Variants in TECTA observed in about 807,000 individuals in gnomAD.
The protein encoded by TECTA is alpha-tectorin.
In TECTA, 128 loss-of-function variants were observed where a neutral mutation model predicts 216.8. The ratio of observed to expected loss-of-function variants is 0.59; its 90% CI spans 0.51 to 0.68. The LOEUF (loss-of-function observed/expected upper bound fraction) is 0.68, where lower values mean the gene tolerates loss of function less well. TECTA is among the 30% of genes least tolerant of loss of function. The probability of loss-of-function intolerance (pLI) is 0.00; values close to 1 mark genes in which losing one functional copy is unlikely to be tolerated. For synonymous variants in TECTA, 1,089 were observed against 1,117.1 expected (o/e 0.97, Z 0.50); for missense variants, 2,551 against 2,786.2 (o/e 0.92, Z 1.90).
At chr11:121,172,130 C>T (rs929030042) in intron 20 of TECTA, among the ~76,000 whole-genome samples, 1 of 151,890 alleles carries the variant, frequency 6.6e-6, no homozygotes. Flanking sequence ...TTATCAAATG[C>T]TTTTTGTGCA....
rs3216095 is a variant in TECTA at position 121,109,738 on chromosome 11, TA to T, written c.486+249del. 229,451 of 509,038 alleles carry T rather than the reference TA, an allele frequency of 0.45. 53,680 individuals carry two copies. Among genetic ancestry groups the T allele is most frequent in the Non-Finnish European group, 0.5 (140,864 of 282,814 alleles). The allele number at this position is 509,038 out of a possible 1,614,324, so 31.5% of individuals were successfully genotyped here. On this transcript the variant is annotated intron_variant, in intron 4 of 23. Coordinates refer to ENST00000392793, the MANE Select transcript of TECTA (RefSeq NM_005422.4). ...CCTATCACAAATCATCACTAATGCCTAAAAAAAAACCCTCAAAAACTTTCCT... is the reference window on the plus strand; with the variant it reads ...CCTATCACAAATCATCACTAATGCCTAAAAAAAACCCTCAAAAACTTTCCT...
At chr11:121,102,251 A>AGG (rs1361296486) in intron 1 of TECTA, among the ~76,000 whole-genome samples, 1 of 152,192 alleles carries the variant, frequency 6.6e-6, no homozygotes, top group East Asian at 1.9e-4. Flanking sequence ...GAAAATTAGG[A>AGG]AATCCAGGTC....
Position 121,113,249 on chromosome 11 carries a change from G to T in TECTA, c.624+40G>T. ...ACTTCATCCCCCGCGTGTTTCCGTC[G>T]CTGCACTCTCTGCTTCTGTGGCTCA... On this transcript the variant is annotated intron_variant, in intron 5 of 23. Coordinates refer to ENST00000392793, the MANE Select transcript of TECTA (RefSeq NM_005422.4). This position sits in a 1 kb window ranked among gnomAD's most constrained non-coding sequence, Gnocchi z 4.2. The T allele has an allele frequency of 1.2e-6, 2 of 1,613,118 alleles. No individual in the cohort carries two copies. Among genetic ancestry groups the T allele is most frequent in the Non-Finnish European group, 1.7e-6 (2 of 1,179,968 alleles).
Position 121,137,839 on chromosome 11 carries a change from C to T in TECTA, c.3360C>T (p.Thr1120=). The change falls in exon 11 of 24, where the codon ACC becomes ACT. Residue 1120 remains threonine (T), a synonymous_variant. Coordinates refer to ENST00000392793, the MANE Select transcript of TECTA (RefSeq NM_005422.4). ...ATGGCTTCCCCTTTGACTTCCAGACCAGCTGCCCACTCATCCTGTGCACCA... is the reference window on the plus strand; with the variant it reads ...ATGGCTTCCCCTTTGACTTCCAGACTAGCTGCCCACTCATCCTGTGCACCA... The part of the protein sequence containing the change: ...TFDGFPFDFQ[T]SCPLILCTTG... 6.2e-7 allele frequency: 1 copy of T among 1,609,832 alleles called. No individual in the cohort carries two copies.
intron 7 of TECTA, among the ~76,000 whole-genome samples, chr11:121,122,090 G>C (rs1200694184): frequency 6.6e-6 from 1 of 152,068 alleles, no homozygotes; most frequent in African/African-American, 2.4e-5. Context: ...TCTGCAGGAT[G>C]GTTTATTTCT....
rs775222772 is a variant in TECTA, at chr11:121,113,228, C to T, written c.624+19C>T. Reference sequence around the variant, plus strand: ...GGCACAGGTAGGTGGCTCTCCACTTCATCCCCCGCGTGTTTCCGTCGCTGC... The same window carrying T: ...GGCACAGGTAGGTGGCTCTCCACTTTATCCCCCGCGTGTTTCCGTCGCTGC... On this transcript the variant is annotated intron_variant, in intron 5 of 23. Coordinates refer to ENST00000392793, the MANE Select transcript of TECTA (RefSeq NM_005422.4). The surrounding 1 kb of genome is among the most constrained non-coding windows in gnomAD (Gnocchi z 4.2). The T allele has an allele frequency of 1.2e-6, 2 of 1,613,754 alleles. No homozygotes were observed. Among genetic ancestry groups the T allele is most frequent in the Non-Finnish European group, 8.5e-7 (1 of 1,180,036 alleles).
intron 3 of TECTA, among the ~76,000 whole-genome samples, chr11:121,107,436 G>T (rs562648093): frequency 1.3e-5 from 2 of 152,262 alleles, no homozygotes; most frequent in African/African-American, 2.4e-5. Context: ...AAGACAATAG[G>T]CTCTTAATGT....
rs747214311 is a variant in TECTA, at chr11:121,168,691, C to T, written c.5765C>T (p.Thr1922Ile). 6.8e-6 allele frequency: 11 copies of T among 1,614,012 alleles called. No individual in the cohort carries two copies. The South Asian group carries it at 9.9e-5, about 14-fold the overall frequency. ...VKPMLSVINL[T>I]VPTQEGSFIT... is the part of the protein sequence containing the mutation. ...TTCCGTTTTAGTGTAATTAACCTGA[C>T]AGTTCCAACCCAAGAAGGCAGCTTC... The change falls in exon 20 of 24, where the codon ACA becomes ATA. Residue 1922 changes from threonine (T) to isoleucine (I), a missense_variant. By Grantham distance (89) the Thr-to-Ile change is moderately conservative (BLOSUM62 -1). Transcript: ENST00000392793.
At chr11:121,119,602 G>A (rs1946537445) in intron 7 of TECTA, among the ~76,000 whole-genome samples, 1 of 152,190 alleles carries the variant, frequency 6.6e-6, no homozygotes, top group Non-Finnish European at 1.5e-5. Context: ...AGACCACAAG[G>A]GGCTGATTGC....
intron 20 of TECTA, among the ~76,000 whole-genome samples, chr11:121,177,090 A>C (rs1362927316): frequency 6.6e-6 from 1 of 152,074 alleles, no homozygotes; most frequent in Non-Finnish European, 1.5e-5. Flanking sequence ...ATTTTTTTCA[A>C]AGTTTTCAAC....
At position 121,171,413 on chromosome 11, in the gene TECTA, A is replaced by G. The variant is rs181156085; in HGVS notation, c.5999+2488A>G. ...GTATTGCTTGGGCTATTCAGGGTCT[A>G]TTGTGGCTTTATACAAATTTTAGGA... On this transcript the variant is annotated intron_variant, in intron 20 of 23. Transcript: ENST00000392793. Among the ~76,000 whole-genome samples, 17 of 152,120 alleles carry G rather than the reference A, an allele frequency of 1.1e-4. No individual in the cohort carries two copies. In the East Asian group the frequency reaches 3.3e-3, roughly 29 times the overall value.
At position 121,168,035 on chromosome 11, in the gene TECTA, A is replaced by G. The variant is rs1003462830; in HGVS notation, c.5587-19A>G. ...TCACTCCCAGATGTAACGATTTCTG[A>G]CTTCCCCTTGTTCTGCAGTCCAATG... On this transcript the variant is annotated intron_variant, in intron 18 of 23. Transcript: ENST00000392793. The G allele has an allele frequency of 2.5e-6, 4 of 1,614,130 alleles. No homozygotes were observed.
At chr11:121,138,279 C>T (rs1400542496) in intron 11 of TECTA, among the ~76,000 whole-genome samples, 2 of 152,204 alleles carry the variant, frequency 1.3e-5, no homozygotes, top group African/African-American at 2.4e-5. Flanking sequence ...CAGTGCCTTT[C>T]GTATGGCAGC....
At chr11:121,120,937 C>T (rs1946552103) in intron 7 of TECTA, among the ~76,000 whole-genome samples, 1 of 152,172 alleles carries the variant, frequency 6.6e-6, no homozygotes. Flanking sequence ...GTTTGAGCTT[C>T]GTTTTCTTTG....
chr11:121,164,604 T>C (rs944967199), intron 16 of TECTA, among the ~76,000 whole-genome samples: 3 of 152,232 alleles, frequency 2.0e-5, no homozygotes, highest in African/African-American at 7.2e-5. Flanking sequence ...ATTGTACTTA[T>C]AGTTTTCCCC....
chr11:121,145,419 C>T (rs893365370), intron 11 of TECTA, 136 bp from the exon 12 acceptor site: 34 of 841,384 alleles, frequency 4.0e-5, no homozygotes, highest in Middle Eastern at 2.8e-4. Flanking sequence ...ACATAAACAA[C>T]AGTACATGCA....
chr11:121,150,171 C>T (rs1036697840), intron 12 of TECTA, among the ~76,000 whole-genome samples: 4 of 151,964 alleles, frequency 2.6e-5, no homozygotes, highest in East Asian at 1.9e-4. Context: ...GACCAACCAA[C>T]GGAAAGAAGA....
chr11:121,184,267 C>T (rs1340066584), intron 20 of TECTA, among the ~76,000 whole-genome samples: 1 of 152,238 alleles, frequency 6.6e-6, no homozygotes, highest in Non-Finnish European at 1.5e-5. Context: ...CAACACTCTC[C>T]TCTTGCTTTA....
At chr11:121,184,547 G>A (rs935162843) in intron 20 of TECTA, among the ~76,000 whole-genome samples, 1 of 152,176 alleles carries the variant, frequency 6.6e-6, no homozygotes, top group Admixed American at 6.5e-5. Flanking sequence ...TATGGTTGAG[G>A]GAAAGAGGCA....
Sources: gnomAD v4.1 joint callset for allele counts (sites outside exome capture counted in the v4.1 genomes callset) on GRCh38, gnomAD v4.1.1 for gene constraint, Gnocchi (gnomAD v3.1) non-coding constraint, MANE v1.5 for transcripts, NCBI Gene and HGNC (gene_info 2026-07-23, HGNC 2026-07-21) for gene names.